Variants in EPC1 observed in about 807,000 individuals in gnomAD.
The protein encoded by EPC1 is enhancer of polycomb 1.
In EPC1, 12 loss-of-function variants were observed where a neutral mutation model predicts 98.4. That is an observed-to-expected ratio of 0.12 (90% confidence interval 0.08 to 0.20). EPC1 has a LOEUF of 0.20. Among genes scored for constraint, EPC1 ranks in the 10% least tolerant of loss-of-function variants. The pLI is 1.00. For missense variants in EPC1, 729 were observed against 990.5 expected, an observed-to-expected ratio of 0.74 and a Z score of 3.54; for synonymous variants, 357 against 363.9, an observed-to-expected ratio of 0.98 and a Z score of 0.21.
At chr10:32,368,612 A>T (rs1283240720) in intron 1 of EPC1, among the ~76,000 whole-genome samples, 1 of 152,222 alleles carries the variant, frequency 6.6e-6, no homozygotes, top group Non-Finnish European at 1.5e-5. Flanking sequence ...ATGAAAGAAA[A>T]GCAGATAATA....
At chr10:32,318,436 C>T (rs1592591031) in intron 1 of EPC1, among the ~76,000 whole-genome samples, 1 of 152,094 alleles carries the variant, frequency 6.6e-6, no homozygotes, top group Admixed American at 6.6e-5. Flanking sequence ...ATATACGCAC[C>T]CTTGCAATTT....
intron 1 of EPC1, among the ~76,000 whole-genome samples, chr10:32,307,336 TG>T (rs1251857050): frequency 1.3e-5 from 2 of 152,240 alleles, no homozygotes; most frequent in Non-Finnish European, 2.9e-5. Context: ...CAACTACAAA[TG>T]GAAGTGCTCA....
chr10:32,324,446 G>A (rs981651928), intron 1 of EPC1, among the ~76,000 whole-genome samples: 2 of 150,678 alleles, frequency 1.3e-5, no homozygotes, highest in African/African-American at 4.9e-5. Flanking sequence ...CAGAAGAATC[G>A]CTTGAACTCG....
intron 10 of EPC1, among the ~76,000 whole-genome samples, chr10:32,276,971 G>C (rs1266925169): frequency 1.3e-5 from 2 of 152,148 alleles, no homozygotes; most frequent in African/African-American, 4.8e-5. Flanking sequence ...TTTGAGGTCA[G>C]GAAGGACTCT....
At chr10:32,352,879 GACAC>G (rs1291611329) in intron 1 of EPC1, among the ~76,000 whole-genome samples, 1 of 152,192 alleles carries the variant, frequency 6.6e-6, no homozygotes, top group Non-Finnish European at 1.5e-5. Context: ...TATCTGGCCA[GACAC>G]AGTGGCTCAC....
chr10:32,276,521 T>TA (rs1425186999), intron 10 of EPC1, among the ~76,000 whole-genome samples: 1 of 152,078 alleles, frequency 6.6e-6, no homozygotes, highest in African/African-American at 2.4e-5. Flanking sequence ...TAAAAATAAA[T>TA]ACATAAATAA....
chr10:32,327,393 A>G (rs1006128047), intron 1 of EPC1, among the ~76,000 whole-genome samples: 1 of 152,224 alleles, frequency 6.6e-6, no homozygotes, highest in African/African-American at 2.4e-5. Flanking sequence ...ATTGGACAGT[A>G]GAGTGACTAT....
intron 1 of EPC1, among the ~76,000 whole-genome samples, chr10:32,316,717 A>T (rs1053332106): frequency 6.6e-6 from 1 of 152,184 alleles, no homozygotes; most frequent in African/African-American, 2.4e-5. Context: ...CTCTATCTTG[A>T]TGGGGGGCTG....
At chr10:32,326,805 A>G (rs1837305586) in intron 1 of EPC1, among the ~76,000 whole-genome samples, 2 of 152,180 alleles carry the variant, frequency 1.3e-5, no homozygotes, top group East Asian at 1.9e-4. Context: ...AATGCTCATC[A>G]TGACTAACCA....
chr10:32,353,090 G>C, intron 1 of EPC1, among the ~76,000 whole-genome samples: 1 of 151,594 alleles, frequency 6.6e-6, no homozygotes, highest in East Asian at 1.9e-4. Context: ...AGGAGGCGGA[G>C]GTTGCAATGA....
In EPC1 at chr10:32,364,001, C is replaced by CTTTTTT. The variant is rs770520611; in HGVS notation, c.3+14489_3+14490insAAAAAA. ...AATAGTATCGTGTCCATCATGTTGG[C>CTTTTTT]ATTTTTTTTTTTTTTTTTTTTTTTT... On this transcript the variant is annotated intron_variant, in intron 1 of 13. Coordinates refer to the EPC1 transcript ENST00000375110. Among the ~76,000 whole-genome samples the CTTTTTT allele has an allele frequency of 3.2e-5, 2 of 61,840 alleles. 1 individual carries two copies. Among genetic ancestry groups the CTTTTTT allele is most frequent in the African/African-American group, 1.1e-4 (2 of 17,482 alleles). The allele number at this position is 61,840 out of a possible 152,430, so 40.6% of individuals were successfully genotyped here. A position where few individuals can be genotyped will look rare whatever the true frequency, so the allele number is the denominator to read the frequency against.
chr10:32,377,888 G>A (rs965719033), intron 1 of EPC1, among the ~76,000 whole-genome samples: 2 of 152,078 alleles, frequency 1.3e-5, no homozygotes, highest in African/African-American at 4.8e-5. Context: ...AGATAGACCT[G>A]CAAAGATTAT....
At chr10:32,365,813 G>C (rs1484723953) in intron 1 of EPC1, among the ~76,000 whole-genome samples, 1 of 71,888 alleles carries the variant, frequency 1.4e-5, no homozygotes, top group Non-Finnish European at 2.3e-5. Flanking sequence ...AGAGAGCTCC[G>C]TCTCACAAAA....
intron 1 of EPC1, among the ~76,000 whole-genome samples, chr10:32,321,997 C>T (rs768075800): frequency 2.0e-5 from 3 of 150,820 alleles, no homozygotes; most frequent in South Asian, 2.1e-4. Flanking sequence ...TTCTTAGCTT[C>T]GCTTACAGGA....
rs1177954986 is a variant in EPC1, at chr10:32,284,914, A to C, written c.1528T>G (p.Phe510Val). Reference sequence around the variant, plus strand: ...AGTATCTGACTGAGGTCTTTAGAGAAAGATTTGTCCGAGGTATTTGTTTCT... The same window carrying C: ...AGTATCTGACTGAGGTCTTTAGAGACAGATTTGTCCGAGGTATTTGTTTCT... ...TSETNTSDKS[F>V]SKDLSQILVN... The change falls in exon 10 of 14, where the codon TTC becomes GTC. Residue 510 changes from phenylalanine to valine, a missense_variant. Phe to Val is a conservative substitution (Grantham distance 50). This residue lies in a region of EPC1 where 390 missense variants were observed against 438.6 expected (regional missense o/e 0.89). Coordinates refer to ENST00000319778, the MANE Select transcript of EPC1 (RefSeq NM_001272004.3). The C allele has an allele frequency of 2.5e-6, 4 of 1,614,100 alleles. No homozygotes were observed. In the African/African-American group the frequency reaches 5.3e-5, roughly 22 times the overall value.
chr10:32,315,393 T>C (rs763521881), intron 1 of EPC1, among the ~76,000 whole-genome samples: 87 of 152,356 alleles, frequency 5.7e-4, no homozygotes, highest in South Asian at 1.7e-3. Flanking sequence ...GATTAAATTA[T>C]ATTCATTTAT....
chr10:32,283,511 G>C (rs1318074163), intron 10 of EPC1: 5 of 152,320 alleles, frequency 3.3e-5, no homozygotes, highest in Non-Finnish European at 5.9e-5. Context: ...GTTTCACCAT[G>C]TTGCCCAGGC....
At chr10:32,355,650 A>G (rs1839252950) in intron 1 of EPC1, among the ~76,000 whole-genome samples, 1 of 111,236 alleles carries the variant, frequency 9.0e-6, no homozygotes. Context: ...TTTGGGACAG[A>G]GTTGACCAGG....
At chr10:32,369,397 C>A (rs1043659327) in intron 1 of EPC1, among the ~76,000 whole-genome samples, 3 of 152,004 alleles carry the variant, frequency 2.0e-5, no homozygotes, top group Non-Finnish European at 2.9e-5. Context: ...TTCAGAATAC[C>A]TTTTTTTAAA....
Sources: allele counts gnomAD v4.1 joint callset (sites outside exome capture counted in the v4.1 genomes callset), GRCh38; gene constraint gnomAD v4.1.1; regional missense constraint gnomAD v4.1.1; transcripts MANE v1.5; gene names NCBI Gene and HGNC (gene_info 2026-07-23, HGNC 2026-07-21).